Variants in FBXO21 observed in about 807,000 individuals in gnomAD.
FBXO21 encodes the protein F-box protein 21.
A neutral mutation model predicts 76.6 loss-of-function variants in FBXO21; 32 were observed. The observed-to-expected ratio is 0.42, with a 90% CI of 0.32 to 0.56. The LOEUF (loss-of-function observed/expected upper bound fraction) is 0.56, where lower values mean the gene tolerates loss of function less well. Among genes scored for constraint, FBXO21 ranks in the 20% least tolerant of loss-of-function variants. The probability of loss-of-function intolerance (pLI) is 0.16; values close to 1 mark genes in which losing one functional copy is unlikely to be tolerated. For missense variants in FBXO21, 586 were observed against 797.3 expected (o/e 0.73, Z 3.19); for synonymous variants, 328 against 311.5 (o/e 1.05, Z -0.56).
chr12:117,157,217 T>G (rs572012935), intron 10 of FBXO21, among the ~76,000 whole-genome samples: 1 of 147,480 alleles, frequency 6.8e-6, no homozygotes, highest in Admixed American at 6.7e-5. Context: ...AAAAGAAAAA[T>G]GAAATGTTTG....
At position 117,174,300 on chromosome 12, in the gene FBXO21, C is replaced by G. The variant is rs767626090; in HGVS notation, c.781G>C (p.Val261Leu). Residue 261 changes from valine (V) to leucine (L), a missense_variant, in exon 6 of 12, where the codon GTG becomes CTG. Coordinates refer to ENST00000622495, the MANE Select transcript of FBXO21 (RefSeq NM_015002.3). ...MIMEIELQSQVLDAMNYVLYD... is the reference protein window; with the variant it reads ...MIMEIELQSQLLDAMNYVLYD... ...AGGACATAGTTCATGGCATCCAGCA[C>G]CTGGCTCTGGAGTTCTATTTCCATT... is the stretch of plus-strand genomic sequence containing the variant. 1 of 1,614,042 alleles carries G rather than the reference C, an allele frequency of 6.2e-7. No individual in the cohort carries two copies. The highest frequency in any genetic ancestry group is 8.5e-7 in the Non-Finnish European group (1 of 1,179,908).
At chr12:117,185,887 T>A (rs1317600507) in intron 3 of FBXO21, among the ~76,000 whole-genome samples, 1 of 152,170 alleles carries the variant, frequency 6.6e-6, no homozygotes, top group African/African-American at 2.4e-5. Context: ...TTCTTTTTTT[T>A]ATGAGACGAA....
intron 3 of FBXO21, among the ~76,000 whole-genome samples, chr12:117,181,936 C>G (rs1344798825): frequency 6.6e-6 from 1 of 152,164 alleles, no homozygotes; most frequent in African/African-American, 2.4e-5. Context: ...CAGGTGTGAG[C>G]CACTGTGCCT....
chr12:117,146,089 A>C lies in FBXO21; in HGVS notation c.1864T>G (p.Ter622GluextTer48). The change falls in exon 12 of 12, where the codon TAA becomes GAA. Residue 622 changes from the stop codon to glutamate, a stop_lost. Transcript: ENST00000622495. ...YSAKKENIDE[*>E] ...AGGTGCAATGTCCTCTCTAGACTTT[A>C]CTCATCTATGTTCTCTTTCTTTGCA... The C allele has an allele frequency of 6.3e-7, 1 of 1,590,860 alleles. No homozygotes were observed. The highest frequency in any genetic ancestry group is 8.5e-7 in the Non-Finnish European group (1 of 1,170,726).
At chr12:117,175,593 G>A (rs1435865540) in intron 4 of FBXO21, among the ~76,000 whole-genome samples, 1 of 152,182 alleles carries the variant, frequency 6.6e-6, no homozygotes, top group East Asian at 1.9e-4. Context: ...AAGACACCTC[G>A]ACCCCAGTCC....
At chr12:117,165,343 T>A (rs993230239) in intron 9 of FBXO21, 142 bp downstream of exon 9, 40 of 854,544 alleles carry the variant, frequency 4.7e-5, no homozygotes, top group Non-Finnish European at 6.7e-5. Context: ...AAAAAAAATC[T>A]ACCAATGGGT....
chr12:117,157,201 A>G (rs1202243381), intron 10 of FBXO21, among the ~76,000 whole-genome samples: 2 of 152,130 alleles, frequency 1.3e-5, no homozygotes, highest in Non-Finnish European at 2.9e-5. Flanking sequence ...AAAAAAAGAA[A>G]AAAAGAAAAG....
intron 2 of FBXO21, 118 bp downstream of exon 2, chr12:117,189,109 A>T (rs1592901672): frequency 8.8e-7 from 1 of 1,130,432 alleles, no homozygotes; most frequent in African/African-American, 1.5e-5. Flanking sequence ...TAAGTGAGTA[A>T]GGGATTGTGA....
chr12:117,190,431 G>C lies in FBXO21; in HGVS notation c.26C>G (p.Ala9Gly), dbSNP rs754612531. 2 of 1,440,854 alleles carry C rather than the reference G, an allele frequency of 1.4e-6. No individual in the cohort carries two copies. Among genetic ancestry groups the C allele is most frequent in the African/African-American group, 2.9e-5 (2 of 67,876 alleles). The allele number at this position is 1,440,854 out of a possible 1,614,324, so 89.3% of individuals were successfully genotyped here. Residue 9 changes from alanine (A) to glycine (G), a missense_variant, in exon 1 of 12, where the codon GCG becomes GGG. Coordinates refer to ENST00000622495, the MANE Select transcript of FBXO21 (RefSeq NM_015002.3). Reference sequence around the variant, plus strand: ...CGCCAGCGCCGGCACCACCTCCATCGCGCTGTCGACTGCTGCCGCCGCCAT... The same window carrying C: ...CGCCAGCGCCGGCACCACCTCCATCCCGCTGTCGACTGCTGCCGCCGCCAT... MAAAAVDS[A>G]MEVVPALAEE...
intron 5 of FBXO21, 145 bp from the exon 6 acceptor site, chr12:117,174,486 A>C: frequency 8.4e-7 from 1 of 1,194,218 alleles, no homozygotes; most frequent in Non-Finnish European, 1.2e-6. Context: ...GGCAGTATGT[A>C]TTTGAAGTGT....
At chr12:117,146,824 G>C (rs1012605249) in intron 11 of FBXO21, among the ~76,000 whole-genome samples, 1 of 152,146 alleles carries the variant, frequency 6.6e-6, no homozygotes. Context: ...CTGTGAGACC[G>C]TGGGATGAAA....
chr12:117,145,532 AC>A lies in FBXO21; in HGVS notation c.*554del, dbSNP rs1955760098. The A allele has an allele frequency of 6.6e-6, 1 of 152,254 alleles. No homozygotes were observed. Among genetic ancestry groups the A allele is most frequent in the African/African-American group, 2.4e-5 (1 of 41,462 alleles). The allele number at this position is 152,254 out of a possible 1,614,324, so 9.4% of individuals were successfully genotyped here. A position where few individuals can be genotyped will look rare whatever the true frequency, so the allele number is the denominator to read the frequency against. ...AAAATAAATTCAAATGATTCTAATT[AC>A]CATTAGCTTGTTAATGTCTCCATCT... On this transcript the variant is annotated 3_prime_UTR_variant, in exon 12 of 12. Transcript: ENST00000622495.
chr12:117,182,914 A>C (rs1290789476), intron 3 of FBXO21, among the ~76,000 whole-genome samples: 1 of 152,058 alleles, frequency 6.6e-6, no homozygotes, highest in Non-Finnish European at 1.5e-5. Context: ...CAACAAAGCA[A>C]GACTCCATCT....
chr12:117,156,919 C>T (rs529804904), intron 10 of FBXO21, among the ~76,000 whole-genome samples: 2 of 152,222 alleles, frequency 1.3e-5, no homozygotes, highest in East Asian at 3.9e-4. Context: ...TGTGGTGGCT[C>T]ACGCCTGTAA....
In FBXO21 at chr12:117,151,943, G is replaced by A. The variant is rs559332361; in HGVS notation, c.1675+3848C>T. Among the ~76,000 whole-genome samples the A allele has an allele frequency of 8.5e-5, 13 of 152,268 alleles. No homozygotes were observed. The East Asian group carries it at 2.1e-3, about 25-fold the overall frequency. ...TTACAGGATGCTACAGAGTGACCAC[G>A]TGGATTTCTTAATTGAAATAGTGAG... On this transcript the variant is annotated intron_variant, in intron 11 of 11. Transcript: ENST00000622495.
chr12:117,161,240 A>C (rs1326256337), intron 9 of FBXO21, among the ~76,000 whole-genome samples: 4 of 152,140 alleles, frequency 2.6e-5, no homozygotes, highest in Non-Finnish European at 5.9e-5. Context: ...AATGGAGTTG[A>C]GGATGAGCAG....
At chr12:117,174,457 G>A (rs1382512601) in intron 5 of FBXO21, 116 bp from the exon 6 acceptor site, 3 of 1,290,780 alleles carry the variant, frequency 2.3e-6, no homozygotes, top group Admixed American at 3.7e-5. Context: ...ATCAAGTGTT[G>A]CCAATCTAGG....
chr12:117,185,900 C>T (rs1956277805), intron 3 of FBXO21, among the ~76,000 whole-genome samples: 1 of 152,062 alleles, frequency 6.6e-6, no homozygotes, highest in African/African-American at 2.4e-5. Context: ...GAGACGAAGT[C>T]TTGCTCTTGT....
chr12:117,158,736 T>A (rs1338092021), intron 9 of FBXO21, among the ~76,000 whole-genome samples: 3 of 152,178 alleles, frequency 2.0e-5, no homozygotes, highest in Non-Finnish European at 2.9e-5. Flanking sequence ...TATTTGGTAT[T>A]CAGCAGGCAG....
Sources: allele counts gnomAD v4.1 joint callset (sites outside exome capture counted in the v4.1 genomes callset), GRCh38; gene constraint gnomAD v4.1.1; transcripts MANE v1.5; gene names NCBI Gene and HGNC (gene_info 2026-07-23, HGNC 2026-07-21).